VPS8: variants seen among roughly 807,000 people sequenced by gnomAD.
The protein encoded by VPS8 is vacuolar protein sorting-associated protein 8 homolog.
In VPS8, 129 loss-of-function variants were observed where a neutral mutation model predicts 216.4. That is an observed-to-expected ratio of 0.60 (90% CI 0.52 to 0.69). The LOEUF (loss-of-function observed/expected upper bound fraction) is 0.69. Among genes scored for constraint, VPS8 ranks in the 30% least tolerant of loss-of-function variants. The pLI is 0.00. For synonymous variants in VPS8, 571 were observed against 565.4 expected (o/e 1.01, Z -0.14); for missense variants, 1,531 against 1,683.5 (o/e 0.91, Z 1.59).
At chr3:184,972,094 CT>C (rs1748519324) in intron 40 of VPS8, among the ~76,000 whole-genome samples, 1 of 150,110 alleles carries the variant, frequency 6.7e-6, no homozygotes, top group Admixed American at 6.6e-5. Flanking sequence ...AAAAAAAAGC[CT>C]GTACTTGTCT....
chr3:184,931,844 T>A (rs143002526), intron 34 of VPS8, among the ~76,000 whole-genome samples: 2,057 of 152,270 alleles, frequency 0.014, 25 homozygotes, highest in Non-Finnish European at 0.021. Flanking sequence ...CATGGTTATA[T>A]TATGATTCAG....
At chr3:185,013,103 A>G (rs1426729635) in intron 45 of VPS8, among the ~76,000 whole-genome samples, 1 of 152,230 alleles carries the variant, frequency 6.6e-6, no homozygotes, top group African/African-American at 2.4e-5. Flanking sequence ...TTTGGGGTTT[A>G]AGAACACCTT....
rs1270162999 is a variant in VPS8, at chr3:184,987,269, G to A, written c.3585+4175G>A. Among the ~76,000 whole-genome samples the A allele has an allele frequency of 3.9e-5, 6 of 151,974 alleles. No individual in the cohort carries two copies. The East Asian group carries it at 1.2e-3, about 30-fold the overall frequency. On this transcript the variant is annotated intron_variant, in intron 42 of 47. Transcript: ENST00000625842. Reference sequence around the variant, plus strand: ...GCTGGGATTACAGGCATACACCACCGTGCCCAGCTAATTTTTGTATTTTTA... The same window carrying A: ...GCTGGGATTACAGGCATACACCACCATGCCCAGCTAATTTTTGTATTTTTA...
intron 45 of VPS8, among the ~76,000 whole-genome samples, chr3:185,004,614 G>T (rs1753981806): frequency 6.6e-6 from 1 of 152,162 alleles, no homozygotes; most frequent in Non-Finnish European, 1.5e-5. Flanking sequence ...TTCTCTGATA[G>T]TTTAGTGATG....
chr3:184,855,075 A>T (rs1349429632), intron 13 of VPS8, among the ~76,000 whole-genome samples: 1 of 152,178 alleles, frequency 6.6e-6, no homozygotes, highest in Admixed American at 6.5e-5. Context: ...GATGGCCATT[A>T]ACATTTGTTA....
intron 1 of VPS8, among the ~76,000 whole-genome samples, chr3:184,820,825 T>A (rs1011675152): frequency 6.6e-6 from 1 of 152,158 alleles, no homozygotes; most frequent in African/African-American, 2.4e-5. Flanking sequence ...ACCTAAAACA[T>A]GATTTTAGAA....
Position 184,913,504 on chromosome 3 carries a change from CTCTT to C in VPS8, c.2147-11_2147-8del, listed in dbSNP as rs770104381. ...TGAGAGAAAATTGCTGAAGATACTT[CTCTT>C]TCTATTTTAGATGAACAAGTTGTTA... On this transcript the variant is annotated splice_polypyrimidine_tract_variant and intron_variant, in intron 25 of 47. Transcript: ENST00000625842. 3.8e-6 allele frequency: 6 copies of C among 1,575,714 alleles called. No individual in the cohort carries two copies. The African/African-American group carries it at 4.1e-5, about 11-fold the overall frequency.
intron 22 of VPS8, among the ~76,000 whole-genome samples, chr3:184,886,611 G>A (rs1390563316): frequency 6.7e-6 from 1 of 148,306 alleles, no homozygotes; most frequent in Non-Finnish European, 1.5e-5. Context: ...ACGGAATCTC[G>A]CCCTGTCACC....
At chr3:184,892,376 G>T (rs905216695) in intron 22 of VPS8, among the ~76,000 whole-genome samples, 1 of 151,918 alleles carries the variant, frequency 6.6e-6, no homozygotes, top group South Asian at 2.1e-4. Context: ...GCCACCATAC[G>T]CAGCTAATTT....
At position 184,921,569 on chromosome 3, in the gene VPS8, TTTC is replaced by T. The variant is rs202128035; in HGVS notation, c.2454+1383_2454+1385del. ...TTAGCTAAACATGAGGAGTTCTGTT[TTTC>T]TTCTTCTTCTTTTTTTTTTGAGACT... On this transcript the variant is annotated intron_variant, in intron 29 of 47. Transcript: ENST00000625842. 5.2e-3 allele frequency among the ~76,000 whole-genome samples: 791 copies of T among 151,954 alleles called. 7 individuals carry two copies. The highest frequency in any genetic ancestry group is 0.016 in the African/African-American group (675 of 41,316).
intron 45 of VPS8, among the ~76,000 whole-genome samples, chr3:185,015,920 A>G (rs1755716991): frequency 6.6e-6 from 1 of 152,234 alleles, no homozygotes; most frequent in East Asian, 1.9e-4. Flanking sequence ...CTCTTGGGCA[A>G]TAACACCAGT....
At chr3:184,881,371 C>T (rs1730236620) in intron 21 of VPS8, among the ~76,000 whole-genome samples, 2 of 152,030 alleles carry the variant, frequency 1.3e-5, no homozygotes, top group Admixed American at 6.6e-5. Flanking sequence ...GTATAGATAC[C>T]TAATTGCAGC....
chr3:184,972,383 G>A (rs186210190), intron 40 of VPS8, among the ~76,000 whole-genome samples: 1 of 152,266 alleles, frequency 6.6e-6, no homozygotes, highest in East Asian at 1.9e-4. Flanking sequence ...ATTTATCATC[G>A]TCTCTATTCC....
At chr3:184,938,641 C>CTTTTTTTTTT (rs1298836777) in intron 35 of VPS8, among the ~76,000 whole-genome samples, 14 of 138,180 alleles carry the variant, frequency 1.0e-4, no homozygotes, top group South Asian at 2.1e-4. Context: ...CTTTTCTTTT[C>CTTTTTTTTTT]TTTTTTTCTT....
intron 23 of VPS8, among the ~76,000 whole-genome samples, chr3:184,895,805 T>C (rs1369678515): frequency 6.7e-6 from 1 of 149,910 alleles, no homozygotes; most frequent in Non-Finnish European, 1.5e-5. Context: ...AGCTAATTTT[T>C]GTATTTTTAG....
At chr3:185,032,634 G>T (rs1758326030) in intron 46 of VPS8, among the ~76,000 whole-genome samples, 1 of 152,036 alleles carries the variant, frequency 6.6e-6, no homozygotes, top group Non-Finnish European at 1.5e-5. Flanking sequence ...TTAATAAGCA[G>T]TTTGATTTTG....
At chr3:185,039,571 AAC>A (rs534150090) in intron 46 of VPS8, among the ~76,000 whole-genome samples, 99 of 152,198 alleles carry the variant, frequency 6.5e-4, no homozygotes, top group African/African-American at 2.2e-3. Flanking sequence ...TAAATTGACT[AAC>A]AGGGAGACAG....
intron 1 of VPS8, among the ~76,000 whole-genome samples, chr3:184,820,636 T>G (rs1329523883): frequency 3.3e-5 from 5 of 150,832 alleles, no homozygotes; most frequent in African/African-American, 1.2e-4. Flanking sequence ...TGAACTCTCC[T>G]TTTAAAAAAA....
intron 8 of VPS8, among the ~76,000 whole-genome samples, chr3:184,848,251 T>G (rs1050896752): frequency 6.6e-6 from 1 of 152,174 alleles, no homozygotes; most frequent in Admixed American, 6.5e-5. Flanking sequence ...GAAATAATTT[T>G]CTGAAGCTGT....
Sources: allele counts gnomAD v4.1 joint callset (sites outside exome capture counted in the v4.1 genomes callset), GRCh38; gene constraint gnomAD v4.1.1; transcripts MANE v1.5; gene names NCBI Gene and HGNC (gene_info 2026-07-23, HGNC 2026-07-21).